The following CPS1 variants were observed in gnomAD, a reference collection of about 807,000 sequenced individuals.
The protein encoded by CPS1 is carbamoyl-phosphate synthase 1, also known as carbamoyl-phosphate synthase [ammonia], mitochondrial.
CPS1 carries 109 observed loss-of-function variants against 174.6 expected under a neutral mutation model. That is an observed-to-expected ratio of 0.62 (90% CI 0.53 to 0.73). The LOEUF (loss-of-function observed/expected upper bound fraction) is 0.73. Among genes scored for constraint, CPS1 ranks in the 30% least tolerant of loss-of-function variants. The probability of loss-of-function intolerance (pLI) is 0.00; values close to 1 mark genes in which losing one functional copy is unlikely to be tolerated. For synonymous variants in CPS1, 637 were observed against 632.0 expected (o/e 1.01, Z -0.12); for missense variants, 1,689 against 1,821.9 (o/e 0.93, Z 1.33).
At chr2:210,658,725 C>T in intron 31 of CPS1, 37 bp downstream of exon 31, 1 of 1,443,734 alleles carries the variant, frequency 6.9e-7, no homozygotes, top group South Asian at 1.1e-5. Flanking sequence ...GACACCACCA[C>T]TGTGTTACGT....
chr2:210,581,854 G>A (rs1450736735), intron 5 of CPS1, among the ~76,000 whole-genome samples: 2 of 152,130 alleles, frequency 1.3e-5, no homozygotes, highest in Non-Finnish European at 2.9e-5. Flanking sequence ...TTTCATCAGA[G>A]AAGGGCATAT....
chr2:210,665,916 G>T (rs1042286610), intron 33 of CPS1, among the ~76,000 whole-genome samples: 3 of 138,392 alleles, frequency 2.2e-5, no homozygotes, highest in Non-Finnish European at 3.1e-5. Flanking sequence ...CTTCCACAAT[G>T]GTTGAACTAG....
chr2:210,560,560 C>G (rs1697065708), intron 1 of CPS1, among the ~76,000 whole-genome samples: 1 of 152,118 alleles, frequency 6.6e-6, no homozygotes, highest in South Asian at 2.1e-4. Context: ...CCTAACAATC[C>G]AAGTGTCCTC....
chr2:210,556,895 A>G lies in CPS1; in HGVS notation c.126+36A>G, dbSNP rs572835416. On this transcript the variant is annotated intron_variant, in intron 1 of 37. Transcript: ENST00000233072. ...TATTGATTGTTTCTGATAAAATACTATGGGGTATAGTTTAGCAGTGAAGCA... is the reference window on the plus strand; with the variant it reads ...TATTGATTGTTTCTGATAAAATACTGTGGGGTATAGTTTAGCAGTGAAGCA... 6.8e-6 allele frequency: 11 copies of G among 1,609,378 alleles called. No individual in the cohort carries two copies. In the African/African-American group the frequency reaches 8.0e-5, roughly 12 times the overall value.
At chr2:210,630,054 G>A (rs1699819002) in intron 21 of CPS1, among the ~76,000 whole-genome samples, 1 of 147,786 alleles carries the variant, frequency 6.8e-6, no homozygotes, top group Non-Finnish European at 1.5e-5. Context: ...GCCTGGGAGA[G>A]AGAGCGAGAC....
intron 1 of CPS1, among the ~76,000 whole-genome samples, chr2:210,545,064 C>G (rs1297442561): frequency 6.6e-6 from 1 of 151,888 alleles, no homozygotes; most frequent in Non-Finnish European, 1.5e-5. Context: ...AACACGGAGC[C>G]CAGTATCAAG....
At chr2:210,545,108 AG>A in intron 1 of CPS1, among the ~76,000 whole-genome samples, 1 of 152,208 alleles carries the variant, frequency 6.6e-6, no homozygotes, top group South Asian at 2.1e-4. Flanking sequence ...GACGTAGCAC[AG>A]GGTTTTTCAA....
intron 1 of CPS1, among the ~76,000 whole-genome samples, chr2:210,508,165 T>G (rs1180021544): frequency 1.8e-3 from 270 of 149,308 alleles, no homozygotes; most frequent in Admixed American, 5.2e-3. Flanking sequence ...GAACAGAAAT[T>G]ATAACAAACT....
chr2:210,513,184 C>A (rs73073510), intron 1 of CPS1, among the ~76,000 whole-genome samples: 99,998 of 118,326 alleles, frequency 0.85, 43,663 homozygotes, highest in Middle Eastern at 0.93. Context: ...ATATATATAT[C>A]TCTCTCTCTC....
intron 21 of CPS1, among the ~76,000 whole-genome samples, chr2:210,620,624 C>T (rs1013501214): frequency 6.6e-6 from 1 of 151,990 alleles, no homozygotes; most frequent in African/African-American, 2.4e-5. Context: ...AAAAGGAAAG[C>T]AGCCGTGTCC....
At chr2:210,606,306 G>A (rs776376701) in intron 17 of CPS1, among the ~76,000 whole-genome samples, 1 of 151,770 alleles carries the variant, frequency 6.6e-6, no homozygotes, top group Non-Finnish European at 1.5e-5. Context: ...AAGGCAGAAG[G>A]GATGGAGACT....
intron 21 of CPS1, among the ~76,000 whole-genome samples, chr2:210,625,722 G>T (rs750258933): frequency 7.2e-5 from 11 of 152,090 alleles, no homozygotes; most frequent in Non-Finnish European, 1.0e-4. Context: ...GAGAGAAACA[G>T]AATTAAGTCC....
At chr2:210,568,921 TAATC>T (rs1697387267) in intron 1 of CPS1, among the ~76,000 whole-genome samples, 1 of 152,046 alleles carries the variant, frequency 6.6e-6, no homozygotes, top group South Asian at 2.1e-4. Context: ...TTAAAAGAAA[TAATC>T]AGGAGGATGG....
intron 1 of CPS1, among the ~76,000 whole-genome samples, chr2:210,480,477 A>G (rs1483715883): frequency 6.6e-6 from 1 of 152,234 alleles, no homozygotes; most frequent in Non-Finnish European, 1.5e-5. Flanking sequence ...AAGGCGCAGC[A>G]TGCTATAGTG....
chr2:210,577,645 TTACTACATAAAGG>T, intron 4 of CPS1, 135 bp downstream of exon 4: 1 of 762,260 alleles, frequency 1.3e-6, no homozygotes, highest in Non-Finnish European at 2.4e-6. Context: ...ATTCCTTCTC[TTACTACATAAAGG>T]CTGAAATGTC....
In CPS1 at chr2:210,599,554, G is replaced by T; in HGVS notation, c.1542G>T (p.Leu514=). 6.2e-7 allele frequency: 1 copy of T among 1,612,320 alleles called. No individual in the cohort carries two copies. The change falls in exon 14 of 38, where the codon CTG becomes CTT. Residue 514 remains leucine, a synonymous_variant. Coordinates refer to ENST00000233072, the MANE Select transcript of CPS1 (RefSeq NM_001875.5). The part of the protein sequence containing the change: ...LILGMGGQTA[L]NCGVELFKRG... Reference sequence around the variant, plus strand: ...TGGGCATGGGTGGCCAGACAGCTCTGAACTGTGGTGAGTTCTTATAAGCTT... The same window carrying T: ...TGGGCATGGGTGGCCAGACAGCTCTTAACTGTGGTGAGTTCTTATAAGCTT...
chr2:210,574,660 T>C (rs890034198), intron 2 of CPS1, among the ~76,000 whole-genome samples: 1 of 152,082 alleles, frequency 6.6e-6, no homozygotes, highest in African/African-American at 2.4e-5. Context: ...GCACTAGAGT[T>C]TTCTTCTCTG....
chr2:210,677,212 T>G, intron 37 of CPS1, 76 bp downstream of exon 37: 2 of 1,363,916 alleles, frequency 1.5e-6, no homozygotes, highest in South Asian at 2.4e-5. Context: ...AATCAGTAGA[T>G]GCACATCTCT....
In CPS1 at chr2:210,616,352, A is replaced by G. The variant is rs552969530; in HGVS notation, c.2569-71A>G. On this transcript the variant is annotated intron_variant, in intron 20 of 37. Coordinates refer to ENST00000233072, the MANE Select transcript of CPS1 (RefSeq NM_001875.5). ...AATAACACACAGAGGCATGACTGCTATGTATTTTAAACCAAATAAGACATT... is the reference window on the plus strand; with the variant it reads ...AATAACACACAGAGGCATGACTGCTGTGTATTTTAAACCAAATAAGACATT... The G allele has an allele frequency of 4.0e-6, 4 of 1,002,646 alleles. No homozygotes were observed. In the Admixed American group the frequency reaches 5.1e-5, roughly 13 times the overall value. The allele number at this position is 1,002,646 out of a possible 1,614,324, so 62.1% of individuals were successfully genotyped here. A position where few individuals can be genotyped will look rare whatever the true frequency, so the allele number is the denominator to read the frequency against.
Sources: allele counts gnomAD v4.1 joint callset (sites outside exome capture counted in the v4.1 genomes callset), GRCh38; gene constraint gnomAD v4.1.1; transcripts MANE v1.5; gene names NCBI Gene and HGNC (gene_info 2026-07-23, HGNC 2026-07-21).